ADNP2: variants seen among roughly 807,000 people sequenced by gnomAD.
ADNP2 encodes ADNP homeobox 2, also known as activity-dependent neuroprotector homeobox protein 2.
A neutral mutation model predicts 16.4 loss-of-function variants in ADNP2; 8 were observed. The ratio of observed to expected loss-of-function variants is 0.49; its 90% CI spans 0.29 to 0.88. The LOEUF is 0.88. Ranked by LOEUF, ADNP2 falls within the 40% of genes least tolerant of loss-of-function variation. The probability of loss-of-function intolerance (pLI) is 0.09; values close to 1 mark genes in which losing one functional copy is unlikely to be tolerated. For missense variants in ADNP2, 1,397 were observed against 1,395.1 expected (o/e 1.00, Z -0.02); for synonymous variants, 637 against 545.8 (o/e 1.17, Z -2.33).
At chr18:80,126,312 CTTTTATTTTAAA>C (rs1200437945) in intron 2 of ADNP2, among the ~76,000 whole-genome samples, 1 of 151,894 alleles carries the variant, frequency 6.6e-6, no homozygotes. Flanking sequence ...TATGTTGTTA[CTTTTATTTTAAA>C]CTGTAAAAAA....
intron 3 of ADNP2, among the ~76,000 whole-genome samples, chr18:80,134,863 T>C (rs1265808576): frequency 1.3e-5 from 2 of 152,162 alleles, no homozygotes; most frequent in Non-Finnish European, 2.9e-5. Flanking sequence ...ATTGGGTACC[T>C]GCATGGGCCA....
In ADNP2 at chr18:80,136,597, C is replaced by G; in HGVS notation, c.1184C>G (p.Thr395Ser). Residue 395 changes from threonine (T) to serine (S), a missense_variant, in exon 4 of 4, where the codon ACT becomes AGT. Transcript: ENST00000262198. ...VGTSVLPINQ[T>S]VRPGVLPLTQ... ...ACTAGTGTCCTCCCCATAAATCAGA[C>G]TGTTCGCCCTGGGGTTTTACCCCTC... 6.2e-7 allele frequency: 1 copy of G among 1,614,238 alleles called. No individual in the cohort carries two copies. The highest frequency in any genetic ancestry group is 1.1e-5 in the South Asian group (1 of 91,088).
At chr18:80,109,815 C>T (rs371976131) in intron 1 of ADNP2, 2 of 151,692 alleles carry the variant, frequency 1.3e-5, no homozygotes, top group African/African-American at 2.4e-5. Context: ...AGGACGGGGA[C>T]CGAGGGAGAG....
chr18:80,123,160 G>C (rs1032290815), intron 2 of ADNP2, among the ~76,000 whole-genome samples: 34 of 152,098 alleles, frequency 2.2e-4, no homozygotes, highest in African/African-American at 7.0e-4. Flanking sequence ...TGCATTCTTG[G>C]GATGGAATGC....
Position 80,139,659 on chromosome 18 carries a change from T to A in ADNP2, c.*850T>A, listed in dbSNP as rs569634262. ...ACATTGAAAGAATACACCCCAAAAC[T>A]CTTCTCCTAACTTAACTACTCATAA... On this transcript the variant is annotated 3_prime_UTR_variant, in exon 4 of 4. Coordinates refer to ENST00000262198, the MANE Select transcript of ADNP2 (RefSeq NM_014913.4). The A allele has an allele frequency of 1.3e-5, 2 of 152,678 alleles. No homozygotes were observed. The highest frequency in any genetic ancestry group is 1.9e-4 in the East Asian group (1 of 5,184). 9.5% of individuals were successfully genotyped at this position (152,678 alleles called of 1,614,324 possible). A position where few individuals can be genotyped will look rare whatever the true frequency, so the allele number is the denominator to read the frequency against.
Position 80,137,876 on chromosome 18 carries a change from C to A in ADNP2, c.2463C>A (p.Pro821=). ...ATGCCAATGGCAACCTGCTCTTTCC[C>A]CACCTTGATTTCATCACCATATTGC... ...DVDANGNLLF[P]HLDFITILPK... The change falls in exon 4 of 4, where the codon CCC becomes CCA. Residue 821 remains proline (P), a synonymous_variant. Transcript: ENST00000262198. The surrounding 1 kb of genome is among the most constrained non-coding windows in gnomAD (Gnocchi z 4.2). The A allele has an allele frequency of 6.2e-7, 1 of 1,614,114 alleles. No homozygotes were observed. Among genetic ancestry groups the A allele is most frequent in the Non-Finnish European group, 8.5e-7 (1 of 1,180,042 alleles).
chr18:80,138,604 A>C lies in ADNP2; in HGVS notation c.3191A>C (p.Lys1064Thr). ...KKQFLKDYFHKKPYPSKKEIE... is the reference protein window; with the variant it reads ...KKQFLKDYFHTKPYPSKKEIE... ...CAATTTCTTAAAGATTATTTCCATA[A>C]GAAACCATATCCTAGTAAAAAGGAA... Residue 1064 changes from lysine (K) to threonine (T), a missense_variant, in exon 4 of 4, where the codon AAG becomes ACG. Lys to Thr is a moderately conservative substitution (Grantham distance 78). Around this residue, in one of 3 missense-constraint regions of ADNP2, gnomAD observed 611 missense variants for 648.7 expected, o/e 0.94. Transcript: ENST00000262198. 2.5e-6 allele frequency: 4 copies of C among 1,609,054 alleles called. No homozygotes were observed. The East Asian group carries it at 8.9e-5, about 36-fold the overall frequency.
chr18:80,117,670 C>T lies in ADNP2; in HGVS notation c.108+20C>T. 6.4e-7 allele frequency: 1 copy of T among 1,561,588 alleles called. No individual in the cohort carries two copies. The highest frequency in any genetic ancestry group is 2.3e-5 in the East Asian group (1 of 43,926). ...CTGAAGGTAAGAGGACGTAAGTAGC[C>T]AACTGGAATCTGGAGGTGAGATTTG... On this transcript the variant is annotated intron_variant, in intron 2 of 3. Transcript: ENST00000262198.
chr18:80,138,816 C>CAA lies in ADNP2; in HGVS notation c.*20_*21dup, dbSNP rs11411000. On this transcript the variant is annotated 3_prime_UTR_variant, in exon 4 of 4. Coordinates refer to ENST00000262198, the MANE Select transcript of ADNP2 (RefSeq NM_014913.4). ...CTTTGAATATGAACCATAAAACTTG[C>CAA]AAAAAAAAAAAAAAGTAACTCTAAA... is the stretch of plus-strand genomic sequence containing the variant. 0.066 allele frequency: 76,814 copies of CAA among 1,163,624 alleles called. 104 individuals are homozygous for CAA. The highest frequency in any genetic ancestry group is 0.088 in the African/African-American group (5,491 of 62,242). The allele number at this position is 1,163,624 out of a possible 1,614,324, so 72.1% of individuals were successfully genotyped here.
intron 2 of ADNP2, among the ~76,000 whole-genome samples, chr18:80,122,015 C>A (rs1034544789): frequency 6.6e-6 from 1 of 151,900 alleles, no homozygotes; most frequent in African/African-American, 2.4e-5. Context: ...CTCCTGGGTT[C>A]AAGAAGTGAT....
In ADNP2 at chr18:80,139,417, A is replaced by G. The variant is rs1013284538; in HGVS notation, c.*608A>G. ...CTAATAGCTGTTTTTTTTTTTAACC[A>G]TAACTCATAGAAAATCAAATGTTTT... is the stretch of plus-strand genomic sequence containing the variant. On this transcript the variant is annotated 3_prime_UTR_variant, in exon 4 of 4. Transcript: ENST00000262198. 3 of 150,790 alleles carry G rather than the reference A, an allele frequency of 2.0e-5. No homozygotes were observed. The highest frequency in any genetic ancestry group is 4.9e-5 in the African/African-American group (2 of 40,930). The allele number at this position is 150,790 out of a possible 1,614,324, so 9.3% of individuals were successfully genotyped here. A position where few individuals can be genotyped will look rare whatever the true frequency, so the allele number is the denominator to read the frequency against.
rs1010754568 is a variant in ADNP2 at position 80,135,517 on chromosome 18, A to T, written c.199-95A>T. ...TTAAGTCAGGTTAAATGCCTAGCAC[A>T]TTAGAAGAAAAGGGATCAAGTCCTC... On this transcript the variant is annotated intron_variant, in intron 3 of 3. Coordinates refer to ENST00000262198, the MANE Select transcript of ADNP2 (RefSeq NM_014913.4). 40 of 1,247,534 alleles carry T rather than the reference A, an allele frequency of 3.2e-5. 1 individual carries two copies. In the East Asian group the frequency reaches 9.5e-4, roughly 30 times the overall value. 77.3% of individuals were successfully genotyped at this position (1,247,534 alleles called of 1,614,324 possible).
At chr18:80,134,853 A>G (rs1353402591) in intron 3 of ADNP2, among the ~76,000 whole-genome samples, 1 of 152,126 alleles carries the variant, frequency 6.6e-6, no homozygotes, top group Non-Finnish European at 1.5e-5. Context: ...CAGATAGTTT[A>G]TTGGGTACCT....
At chr18:80,113,844 G>A (rs558975309) in intron 1 of ADNP2, among the ~76,000 whole-genome samples, 5 of 152,148 alleles carry the variant, frequency 3.3e-5, no homozygotes, top group African/African-American at 1.2e-4. Flanking sequence ...TTGGGTGGTG[G>A]ATACAAGAGA....
At chr18:80,129,095 C>CTTTTTTTTT (rs1424348931) in intron 2 of ADNP2, among the ~76,000 whole-genome samples, 1 of 132,210 alleles carries the variant, frequency 7.6e-6, no homozygotes, top group African/African-American at 2.9e-5. Context: ...TTACCCAGAA[C>CTTTTTTTTT]TTTTTTTTTG....
intron 2 of ADNP2, among the ~76,000 whole-genome samples, chr18:80,119,054 C>T (rs1296196897): frequency 2.0e-5 from 3 of 152,088 alleles, no homozygotes; most frequent in Non-Finnish European, 4.4e-5. Context: ...CCAGAATTAA[C>T]GTTGTTATAT....
At chr18:80,116,735 G>T (rs143319299) in intron 1 of ADNP2, among the ~76,000 whole-genome samples, 122 of 152,140 alleles carry the variant, frequency 8.0e-4, no homozygotes, top group African/African-American at 2.8e-3. Context: ...TCCTGGGCTC[G>T]GGTGATCCCC....
chr18:80,125,445 C>G (rs2052451864), intron 2 of ADNP2, among the ~76,000 whole-genome samples: 1 of 152,252 alleles, frequency 6.6e-6, no homozygotes, highest in African/African-American at 2.4e-5. Context: ...AGATCGAGAC[C>G]ATTCTGGCTA....
intron 1 of ADNP2, among the ~76,000 whole-genome samples, chr18:80,116,236 GA>G (rs1394474860): frequency 6.6e-6 from 1 of 152,114 alleles, no homozygotes; most frequent in Non-Finnish European, 1.5e-5. Context: ...CTATTGTATG[GA>G]TATGTCATAT....
Sources: allele counts gnomAD v4.1 joint callset (sites outside exome capture counted in the v4.1 genomes callset), GRCh38; gene constraint gnomAD v4.1.1; regional missense constraint gnomAD v4.1.1; non-coding constraint Gnocchi (gnomAD v3.1); transcripts MANE v1.5; gene names NCBI Gene and HGNC (gene_info 2026-07-23, HGNC 2026-07-21).